The following EYS variants were observed in gnomAD, a reference collection of about 807,000 sequenced individuals.
The protein encoded by EYS is EGF-like photoreceptor maintenance factor, also known as protein eyes shut homolog.
Under a neutral mutation model 282.1 loss-of-function variants are expected in EYS, and 250 were observed. That is an observed-to-expected ratio of 0.89 (90% CI 0.80 to 0.98). The LOEUF is 0.98. EYS is among the 50% of genes least tolerant of loss of function. The pLI is 0.00. For missense variants in EYS, 4,016 were observed against 3,709.0 expected (o/e 1.08, Z -2.15); for synonymous variants, 1,355 against 1,282.9 (o/e 1.06, Z -1.20).
intron 31 of EYS, among the ~76,000 whole-genome samples, chr6:64,107,271 G>GTATATA (rs1262221890): frequency 1.0e-5 from 1 of 99,952 alleles, no homozygotes; most frequent in Non-Finnish European, 2.0e-5. Flanking sequence ...GTGTGTGTGT[G>GTATATA]TATATATATA....
At chr6:64,411,726 T>C (rs1231311753) in intron 28 of EYS, among the ~76,000 whole-genome samples, 3 of 152,050 alleles carry the variant, frequency 2.0e-5, no homozygotes, top group African/African-American at 4.8e-5. Flanking sequence ...CTTGCACTTG[T>C]AGTCCTAGCT....
chr6:65,235,332 T>C (rs934248276), intron 12 of EYS, among the ~76,000 whole-genome samples: 3 of 152,082 alleles, frequency 2.0e-5, no homozygotes, highest in East Asian at 1.9e-4. Flanking sequence ...TGGAAGTAAA[T>C]TGAAATAAAT....
chr6:64,893,868 T>A (rs1171114750), intron 18 of EYS, among the ~76,000 whole-genome samples: 1 of 152,000 alleles, frequency 6.6e-6, no homozygotes, highest in Non-Finnish European at 1.5e-5. Flanking sequence ...CACATATATG[T>A]ACACATATTT....
chr6:65,539,840 T>A (rs1340286080), intron 2 of EYS, among the ~76,000 whole-genome samples: 1 of 152,324 alleles, frequency 6.6e-6, no homozygotes, highest in East Asian at 1.9e-4. Context: ...GATCGAATTC[T>A]CTCTGAAGTA....
intron 2 of EYS, among the ~76,000 whole-genome samples, chr6:65,633,123 T>A (rs1168881197): frequency 6.6e-6 from 1 of 152,156 alleles, no homozygotes; most frequent in Non-Finnish European, 1.5e-5. Flanking sequence ...CATTGCATTG[T>A]TAGGGTTGTG....
intron 12 of EYS, among the ~76,000 whole-genome samples, chr6:65,149,512 G>C (rs1037638409): frequency 4.6e-5 from 7 of 151,866 alleles, no homozygotes; most frequent in African/African-American, 1.7e-4. Context: ...ACAAGTTTCT[G>C]TCTTCTTCTG....
intron 33 of EYS, among the ~76,000 whole-genome samples, chr6:64,036,337 G>A (rs1770119315): frequency 6.6e-6 from 1 of 152,252 alleles, no homozygotes. Context: ...ATCATGGATG[G>A]CCTTAATAAT....
At chr6:65,459,745 G>T (rs1764748892) in intron 5 of EYS, among the ~76,000 whole-genome samples, 1 of 150,830 alleles carries the variant, frequency 6.6e-6, no homozygotes, top group Non-Finnish European at 1.5e-5. Flanking sequence ...TTTACATGGA[G>T]AGACAAATAT....
chr6:63,903,155 G>A (rs894580581), intron 35 of EYS, among the ~76,000 whole-genome samples: 3 of 152,030 alleles, frequency 2.0e-5, no homozygotes, highest in Non-Finnish European at 2.9e-5. Flanking sequence ...CAGTGGAGGA[G>A]AAAGAAACAC....
chr6:64,845,516 C>CA (rs748102030), intron 19 of EYS, among the ~76,000 whole-genome samples: 21 of 126,736 alleles, frequency 1.7e-4, no homozygotes, highest in Non-Finnish European at 3.0e-4. Context: ...TTTCTTCCAA[C>CA]AAAAAATAAT....
At chr6:63,874,003 A>G (rs181987883) in intron 35 of EYS, among the ~76,000 whole-genome samples, 3 of 151,944 alleles carry the variant, frequency 2.0e-5, no homozygotes, top group Non-Finnish European at 4.4e-5. Flanking sequence ...GTTTAATTAG[A>G]TCCCATTTGT....
chr6:64,610,367 C>T (rs1363000368), intron 24 of EYS, among the ~76,000 whole-genome samples: 1 of 151,424 alleles, frequency 6.6e-6, no homozygotes, highest in Non-Finnish European at 1.5e-5. Flanking sequence ...ATTATTTTAC[C>T]ATACTCCATT....
Position 65,168,229 on chromosome 6 carries a change from C to T in EYS, c.2024-110502G>A, listed in dbSNP as rs111390939. On this transcript the variant is annotated intron_variant, in intron 12 of 42. Coordinates refer to ENST00000503581, the MANE Select transcript of EYS (RefSeq NM_001142800.2). ...CTTATATAAAAAGTAAATATTTTTA[C>T]ATTTGGCAGGCCTGGAAGTTCAGTA... 8.0e-3 allele frequency among the ~76,000 whole-genome samples: 1,208 copies of T among 151,204 alleles called. 10 individuals carry two copies. Among genetic ancestry groups the T allele is most frequent in the African/African-American group, 0.026 (1,095 of 41,376 alleles).
chr6:65,259,921 G>A (rs2150257315), intron 12 of EYS, among the ~76,000 whole-genome samples: 1 of 152,208 alleles, frequency 6.6e-6, no homozygotes, highest in Non-Finnish European at 1.5e-5. Flanking sequence ...TTTCTCATCT[G>A]TAAAGTGAAG....
intron 12 of EYS, among the ~76,000 whole-genome samples, chr6:65,254,680 T>C (rs1166293446): frequency 1.3e-5 from 2 of 151,844 alleles, no homozygotes; most frequent in Admixed American, 6.6e-5. Flanking sequence ...TTTATTACTG[T>C]TCAAAATAGT....
chr6:65,318,279 CAGAG>C (rs375488041), intron 11 of EYS, among the ~76,000 whole-genome samples: 1 of 149,932 alleles, frequency 6.7e-6, no homozygotes, highest in Non-Finnish European at 1.5e-5. Context: ...AGCAATAGAT[CAGAG>C]AGAGAGAGAG....
At position 64,626,182 on chromosome 6, in the gene EYS, T is replaced by A; in HGVS notation, c.3507A>T (p.Pro1169=). ...EININECSSS[P]CLHGADCEDH... is the part of the protein sequence containing the mutation. ...CTTCACAGTCTGCACCATGTAGACATGGTGATGAAGAGCATTCATTTATAT... is the reference window on the plus strand; with the variant it reads ...CTTCACAGTCTGCACCATGTAGACAAGGTGATGAAGAGCATTCATTTATAT... The change falls in exon 23 of 43, where the codon CCA becomes CCT. Residue 1169 remains proline, a synonymous_variant. Coordinates refer to ENST00000503581, the MANE Select transcript of EYS (RefSeq NM_001142800.2). 1 of 1,544,166 alleles carries A rather than the reference T, an allele frequency of 6.5e-7. No individual in the cohort carries two copies. The highest frequency in any genetic ancestry group is 1.4e-5 in the African/African-American group (1 of 72,864).
At chr6:64,509,218 T>C (rs1422285297) in intron 26 of EYS, among the ~76,000 whole-genome samples, 1 of 152,194 alleles carries the variant, frequency 6.6e-6, no homozygotes, top group Non-Finnish European at 1.5e-5. Flanking sequence ...AAATTTTATA[T>C]TTAAAAATGT....
intron 22 of EYS, among the ~76,000 whole-genome samples, chr6:64,749,628 C>A (rs1320021584): frequency 6.6e-6 from 1 of 152,048 alleles, no homozygotes; most frequent in African/African-American, 2.4e-5. Flanking sequence ...TTTAGCAAGT[C>A]TTGCTAAATT....
Sources: gnomAD v4.1 joint callset for allele counts (sites outside exome capture counted in the v4.1 genomes callset) on GRCh38, gnomAD v4.1.1 for gene constraint, MANE v1.5 for transcripts, NCBI Gene and HGNC (gene_info 2026-07-23, HGNC 2026-07-21) for gene names.